The following NCKAP5 variants were observed in gnomAD, a reference collection of about 807,000 sequenced individuals.
The protein encoded by NCKAP5 is NCK associated protein 5, also known as nck-associated protein 5.
NCKAP5 carries 92 observed loss-of-function variants against 167.0 expected under a neutral mutation model. That is an observed-to-expected ratio of 0.55 (90% CI 0.47 to 0.66). The LOEUF (loss-of-function observed/expected upper bound fraction) is 0.66, where lower values mean the gene tolerates loss of function less well. Ranked by LOEUF, NCKAP5 falls within the 30% of genes least tolerant of loss-of-function variation. The pLI, the probability that NCKAP5 is intolerant of heterozygous loss-of-function variation, is 0.00. For synonymous variants in NCKAP5, 891 were observed against 877.4 expected, an observed-to-expected ratio of 1.02 and a Z score of -0.27; for missense variants, 2,378 against 2,315.0, an observed-to-expected ratio of 1.03 and a Z score of -0.56.
chr2:132,940,199 G>A (rs1697188588), intron 8 of NCKAP5, among the ~76,000 whole-genome samples: 2 of 152,108 alleles, frequency 1.3e-5, no homozygotes, highest in Non-Finnish European at 1.5e-5. Context: ...TTCCATGCAA[G>A]TTGCAGCAAA....
At chr2:132,732,514 C>T (rs1030319083) in intron 16 of NCKAP5, among the ~76,000 whole-genome samples, 2 of 152,056 alleles carry the variant, frequency 1.3e-5, no homozygotes, top group Non-Finnish European at 2.9e-5. Context: ...TGAAGTGGAC[C>T]TTTTTGAACC....
intron 3 of NCKAP5, among the ~76,000 whole-genome samples, chr2:133,388,801 G>A (rs151291281): frequency 0.012 from 1,833 of 152,328 alleles, 46 homozygotes; most frequent in African/African-American, 0.041. Flanking sequence ...TGCTAGCAAT[G>A]AGCAAGGCTG....
At chr2:132,765,849 G>A (rs747224098) in intron 16 of NCKAP5, among the ~76,000 whole-genome samples, 2 of 152,148 alleles carry the variant, frequency 1.3e-5, no homozygotes, top group South Asian at 2.1e-4. Flanking sequence ...TAGCAGAAAG[G>A]ATGGGGCAAC....
chr2:133,322,834 A>G (rs1360422752), intron 3 of NCKAP5, among the ~76,000 whole-genome samples: 1 of 152,196 alleles, frequency 6.6e-6, no homozygotes, highest in Non-Finnish European at 1.5e-5. Flanking sequence ...AGAGCTTGCT[A>G]AAACAGACTG....
rs375683230 is a variant in NCKAP5 at position 133,187,628 on chromosome 2, A to G, written c.207+26088T>C. 1.7e-4 allele frequency among the ~76,000 whole-genome samples: 26 copies of G among 152,216 alleles called. 2 individuals are homozygous for G. In the South Asian group the frequency reaches 4.1e-3, roughly 24 times the overall value. ...AGATAAATCAAAGATAATCTAAATA[A>G]GTGAACAGAAAGAACATACTTATGG... On this transcript the variant is annotated intron_variant, in intron 5 of 19. Coordinates refer to ENST00000409261, the MANE Select transcript of NCKAP5 (RefSeq NM_207363.3).
At position 133,333,455 on chromosome 2, in the gene NCKAP5, C is replaced by T. The variant is rs570762175; in HGVS notation, c.70-30345G>A. ...TAATGCTCTCTGCTTTCTTCCACGA[C>T]GAGGAAAAGCCATGGCCTTGACGAG... On this transcript the variant is annotated intron_variant, in intron 3 of 19. Coordinates refer to ENST00000409261, the MANE Select transcript of NCKAP5 (RefSeq NM_207363.3). Among the ~76,000 whole-genome samples, 21 of 152,140 alleles carry T rather than the reference C, an allele frequency of 1.4e-4. No homozygotes were observed. In the South Asian group the frequency reaches 2.5e-3, roughly 18 times the overall value.
intron 3 of NCKAP5, among the ~76,000 whole-genome samples, chr2:133,418,888 T>C (rs1689291983): frequency 6.6e-6 from 1 of 152,148 alleles, no homozygotes; most frequent in Admixed American, 6.5e-5. Flanking sequence ...TTACCCTTAG[T>C]GTGGGTTCAG....
intron 6 of NCKAP5, among the ~76,000 whole-genome samples, chr2:133,071,339 G>T (rs1417124666): frequency 6.6e-6 from 1 of 151,940 alleles, no homozygotes; most frequent in Non-Finnish European, 1.5e-5. Flanking sequence ...CAGCTACTTG[G>T]GAGGCTGAGG....
At chr2:132,699,593 C>T (rs1220766118) in intron 19 of NCKAP5, among the ~76,000 whole-genome samples, 1 of 151,928 alleles carries the variant, frequency 6.6e-6, no homozygotes, top group Non-Finnish European at 1.5e-5. Flanking sequence ...GGTTTTCTGT[C>T]CTTGCAATAG....
rs189627049 is a variant in NCKAP5, at chr2:133,405,272, T to C, written c.70-102162A>G. The stretch of plus-strand genomic sequence containing the variant: ...GCATAGAAAGTTCATTTATTAACTT[T>C]GGACTCCTGGTCAACAGCACTATAA... On this transcript the variant is annotated intron_variant, in intron 3 of 19. Coordinates refer to ENST00000409261, the MANE Select transcript of NCKAP5 (RefSeq NM_207363.3). Among the ~76,000 whole-genome samples, 6 of 152,364 alleles carry C rather than the reference T, an allele frequency of 3.9e-5. No homozygotes were observed. The East Asian group carries it at 9.6e-4, about 24-fold the overall frequency.
intron 19 of NCKAP5, among the ~76,000 whole-genome samples, chr2:132,705,458 G>A (rs1011026739): frequency 2.0e-5 from 3 of 151,924 alleles, no homozygotes; most frequent in African/African-American, 4.8e-5. Flanking sequence ...CATATTACAC[G>A]AAAGGTTAAT....
rs186313216 is a variant in NCKAP5 at position 133,547,083 on chromosome 2, G to A, written c.-62+11967C>T. Among the ~76,000 whole-genome samples the A allele has an allele frequency of 2.5e-4, 38 of 152,298 alleles. No individual in the cohort carries two copies. The East Asian group carries it at 5.6e-3, about 23-fold the overall frequency. ...TCACTTGGGAAGTGCAAGGGGTCAC[G>A]GAGTTCCCTTTCCAAGGCAAAGAAA... On this transcript the variant is annotated intron_variant, in intron 2 of 19. Transcript: ENST00000409261.
intron 3 of NCKAP5, among the ~76,000 whole-genome samples, chr2:133,448,386 C>T (rs72846365): frequency 6.6e-6 from 1 of 152,072 alleles, no homozygotes; most frequent in Non-Finnish European, 1.5e-5. Context: ...AGAGGAAGAG[C>T]GAGCCCGTAT....
At chr2:133,439,855 G>A (rs1290187497) in intron 3 of NCKAP5, among the ~76,000 whole-genome samples, 2 of 152,124 alleles carry the variant, frequency 1.3e-5, no homozygotes, top group African/African-American at 4.8e-5. Flanking sequence ...ACTAATAATT[G>A]TGATACAAAA....
At chr2:132,869,230 A>T (rs1373986649) in intron 9 of NCKAP5, among the ~76,000 whole-genome samples, 2 of 152,158 alleles carry the variant, frequency 1.3e-5, no homozygotes, top group African/African-American at 4.8e-5. Flanking sequence ...TGACTTTCAC[A>T]TTTCCATATT....
intron 13 of NCKAP5, among the ~76,000 whole-genome samples, chr2:132,786,476 G>T (rs80176373): frequency 2.0e-5 from 3 of 152,030 alleles, no homozygotes; most frequent in African/African-American, 7.2e-5. Context: ...CTGGGCATTC[G>T]CTGTTAGAAC....
chr2:132,951,360 G>A (rs1349681748), intron 8 of NCKAP5, among the ~76,000 whole-genome samples: 1 of 152,174 alleles, frequency 6.6e-6, no homozygotes, highest in Non-Finnish European at 1.5e-5. Context: ...AATTAAAGAT[G>A]TATTTCAGAT....
intron 4 of NCKAP5, among the ~76,000 whole-genome samples, chr2:133,262,230 T>C (rs576841085): frequency 5.3e-4 from 80 of 152,280 alleles, no homozygotes; most frequent in Admixed American, 1.5e-3. Flanking sequence ...AATAAGGGAA[T>C]CAGGCTTTGA....
chr2:133,545,968 G>A (rs543110111), intron 2 of NCKAP5, among the ~76,000 whole-genome samples: 10 of 152,244 alleles, frequency 6.6e-5, no homozygotes, highest in African/African-American at 1.4e-4. Flanking sequence ...TACTAGATTC[G>A]ATTAGTTTAA....
Sources: allele counts gnomAD v4.1 joint callset (sites outside exome capture counted in the v4.1 genomes callset), GRCh38; gene constraint gnomAD v4.1.1; transcripts MANE v1.5; gene names NCBI Gene and HGNC (gene_info 2026-07-23, HGNC 2026-07-21).